Variants in RBFOX2 observed in about 807,000 individuals in gnomAD.
RBFOX2 encodes RNA binding fox-1 homolog 2, also known as RNA binding protein fox-1 homolog 2.
In RBFOX2, 10 loss-of-function variants were observed where a neutral mutation model predicts 49.1. That is an observed-to-expected ratio of 0.20 (90% CI 0.13 to 0.35). The LOEUF (loss-of-function observed/expected upper bound fraction) is 0.35, where lower values mean the gene tolerates loss of function less well. Ranked by LOEUF, RBFOX2 falls within the 10% of genes least tolerant of loss-of-function variation. RBFOX2 has a pLI of 1.00. For synonymous variants in RBFOX2, 183 were observed against 187.4 expected, an observed-to-expected ratio of 0.98 and a Z score of 0.19; for missense variants, 323 against 486.9, an observed-to-expected ratio of 0.66 and a Z score of 3.17.
chr22:35,923,377 C>T (rs1351383706), intron 1 of RBFOX2, among the ~76,000 whole-genome samples: 2 of 151,988 alleles, frequency 1.3e-5, no homozygotes, highest in Middle Eastern at 3.4e-3. Flanking sequence ...CAACTTCTTA[C>T]ACTTCCATAT....
intron 1 of RBFOX2, among the ~76,000 whole-genome samples, chr22:35,979,913 C>A (rs2057374987): frequency 6.6e-6 from 1 of 152,144 alleles, no homozygotes; most frequent in Non-Finnish European, 1.5e-5. Flanking sequence ...AAATAGGTAA[C>A]CATCACGTAA....
At chr22:35,891,884 G>C (rs2047287178) in intron 1 of RBFOX2, among the ~76,000 whole-genome samples, 1 of 152,026 alleles carries the variant, frequency 6.6e-6, no homozygotes, top group South Asian at 2.1e-4. Flanking sequence ...AAATAATGGG[G>C]ATTTTTCTCC....
At chr22:35,957,325 G>T (rs985501443) in intron 1 of RBFOX2, among the ~76,000 whole-genome samples, 1 of 152,274 alleles carries the variant, frequency 6.6e-6, no homozygotes, top group Admixed American at 6.5e-5. Flanking sequence ...TATCTTAGTT[G>T]TATGTAACAC....
At chr22:35,765,308 C>T in intron 6 of RBFOX2, 115 bp downstream of exon 7, 2 of 759,554 alleles carry the variant, frequency 2.6e-6, no homozygotes, top group Non-Finnish European at 4.2e-6. Context: ...AAAGAGACTA[C>T]TTCAACACAA....
At chr22:35,846,997 A>G (rs1192043610) in intron 1 of RBFOX2, among the ~76,000 whole-genome samples, 1 of 152,226 alleles carries the variant, frequency 6.6e-6, no homozygotes, top group Non-Finnish European at 1.5e-5. Flanking sequence ...ACTTGCAACA[A>G]GTTACATTTT....
chr22:35,889,101 G>C (rs2046949060), intron 1 of RBFOX2, among the ~76,000 whole-genome samples: 1 of 152,106 alleles, frequency 6.6e-6, no homozygotes, highest in African/African-American at 2.4e-5. Context: ...GGTGCAGTGA[G>C]CCAAGATCAT....
chr22:35,771,625 T>C (rs994738643), intron 4 of RBFOX2, among the ~76,000 whole-genome samples: 8 of 152,220 alleles, frequency 5.3e-5, no homozygotes, highest in African/African-American at 1.9e-4. Flanking sequence ...GAGGTATGAC[T>C]AGAATTTTTG....
intron 1 of RBFOX2, among the ~76,000 whole-genome samples, chr22:35,910,741 C>T (rs917467552): frequency 6.6e-6 from 1 of 152,148 alleles, no homozygotes; most frequent in African/African-American, 2.4e-5. Context: ...GTCTTCTGAA[C>T]TAGCGGAAAA....
chr22:35,924,949 G>T (rs1054319115), intron 1 of RBFOX2, among the ~76,000 whole-genome samples: 4 of 152,058 alleles, frequency 2.6e-5, no homozygotes, highest in African/African-American at 9.7e-5. Context: ...CGAGGTGGGC[G>T]GATCACTTGA....
chr22:35,993,630 A>G (rs2058067929), intron 1 of RBFOX2: 1 of 152,224 alleles, frequency 6.6e-6, no homozygotes, highest in East Asian at 1.9e-4. Flanking sequence ...TGAGATAATA[A>G]GTGTTTGTTG....
intron 5 of RBFOX2, 66 bp downstream of exon 6, chr22:35,768,187 CTAAG>C: frequency 6.6e-7 from 1 of 1,524,732 alleles, no homozygotes; most frequent in Non-Finnish European, 9.1e-7. Context: ...CAAATGTGAA[CTAAG>C]TGAGGCAACA....
intron 1 of RBFOX2, among the ~76,000 whole-genome samples, chr22:35,933,929 TATA>T (rs2052724130): frequency 5.4e-5 from 6 of 111,586 alleles, no homozygotes; most frequent in African/African-American, 7.5e-5. Context: ...TTAAATGTTA[TATA>T]TATATATATA....
intron 6 of RBFOX2, among the ~76,000 whole-genome samples, chr22:35,763,453 T>G (rs2146421918): frequency 6.6e-6 from 1 of 152,202 alleles, no homozygotes; most frequent in East Asian, 1.9e-4. Context: ...TCCCAGCTAC[T>G]CTGGAGGCTG....
chr22:35,928,443 T>C (rs552859985), intron 1 of RBFOX2, among the ~76,000 whole-genome samples: 2 of 152,304 alleles, frequency 1.3e-5, no homozygotes, highest in African/African-American at 4.8e-5. Context: ...CAAACATGCT[T>C]GCCACCAAGC....
At chr22:35,832,324 G>T (rs1224972412) in intron 1 of RBFOX2, among the ~76,000 whole-genome samples, 1 of 150,780 alleles carries the variant, frequency 6.6e-6, no homozygotes, top group Non-Finnish European at 1.5e-5. Context: ...AGTGAGCCGA[G>T]ATCACACCAC....
rs186138237 is a variant in RBFOX2, at chr22:35,853,949, G to A, written c.-33-43945C>T. On this transcript the variant is annotated intron_variant, in intron 1 of 13. Transcript: ENST00000359369. ...GACTAGGCCAGGCACGGTGGCTCAC[G>A]CCTGTAATCTCAGCACTTTGGGAGG... Among the ~76,000 whole-genome samples, 18 of 152,208 alleles carry A rather than the reference G, an allele frequency of 1.2e-4. No homozygotes were observed. In the East Asian group the frequency reaches 2.3e-3, roughly 20 times the overall value.
At chr22:35,887,684 C>A (rs2046760273) in intron 1 of RBFOX2, among the ~76,000 whole-genome samples, 1 of 152,104 alleles carries the variant, frequency 6.6e-6, no homozygotes, top group African/African-American at 2.4e-5. Context: ...AAATAGGGCT[C>A]CCTGATTTCA....
chr22:35,894,173 TAC>T (rs1174345436), intron 1 of RBFOX2, among the ~76,000 whole-genome samples: 3 of 152,208 alleles, frequency 2.0e-5, no homozygotes, highest in Non-Finnish European at 4.4e-5. Context: ...TAGAAGGTAC[TAC>T]ATTCCTGGCA....
chr22:35,975,509 T>C (rs1050679037), intron 1 of RBFOX2, among the ~76,000 whole-genome samples: 20 of 152,202 alleles, frequency 1.3e-4, no homozygotes, highest in Non-Finnish European at 7.3e-5. Context: ...CTGATTTAGA[T>C]TAGGAATCCA....
Sources: allele counts gnomAD v4.1 joint callset (sites outside exome capture counted in the v4.1 genomes callset), GRCh38; gene constraint gnomAD v4.1.1; transcripts MANE v1.5; gene names NCBI Gene and HGNC (gene_info 2026-07-23, HGNC 2026-07-21).